GABRA3: variants seen among roughly 807,000 people sequenced by gnomAD.
GABRA3 encodes the protein gamma-aminobutyric acid receptor subunit alpha-3.
Under a neutral mutation model 30.1 loss-of-function variants are expected in GABRA3, and 10 were observed. That is an observed-to-expected ratio of 0.33 (90% confidence interval 0.20 to 0.56). The LOEUF (loss-of-function observed/expected upper bound fraction) is 0.56. GABRA3 is among the 20% of genes least tolerant of loss of function. The pLI is 0.89. For missense variants in GABRA3, 233 were observed against 392.0 expected, an observed-to-expected ratio of 0.59 and a Z score of 3.42; for synonymous variants, 151 against 146.8, an observed-to-expected ratio of 1.03 and a Z score of -0.21.
chrX:152,294,607 A>G (rs1350027544), intron 3 of GABRA3, among the ~76,000 whole-genome samples: 1 of 110,481 alleles, frequency 9.1e-6, no homozygotes, highest in Non-Finnish European at 1.9e-5. Flanking sequence ...TGTTATTACC[A>G]CCCTTCTGAA....
chrX:152,366,432 G>T (rs1928663384), intron 1 of GABRA3, among the ~76,000 whole-genome samples: 1 of 111,799 alleles, frequency 8.9e-6, no homozygotes. Flanking sequence ...TAAACAAAGA[G>T]ATCCATAGTG....
chrX:152,424,584 A>G (rs1210195721), intron 1 of GABRA3, among the ~76,000 whole-genome samples: 2 of 111,425 alleles, frequency 1.8e-5, no homozygotes, highest in Non-Finnish European at 3.8e-5. Context: ...AAAAATAATG[A>G]AAATTATTAG....
intron 5 of GABRA3, among the ~76,000 whole-genome samples, chrX:152,251,689 C>T (rs895476669): frequency 1.8e-5 from 2 of 110,590 alleles, no homozygotes; most frequent in Non-Finnish European, 3.8e-5. Context: ...ATACTCCACT[C>T]CATTCTTTCC....
At chrX:152,369,077 A>C (rs958738960) in intron 1 of GABRA3, among the ~76,000 whole-genome samples, 34 of 111,001 alleles carry the variant, frequency 3.1e-4, no homozygotes, top group African/African-American at 1.0e-3. Context: ...ATTCCCACCA[A>C]CAGTGTGTGA....
chrX:152,257,033 C>G (rs1938648301), intron 4 of GABRA3, among the ~76,000 whole-genome samples: 1 of 110,769 alleles, frequency 9.0e-6, no homozygotes, highest in Non-Finnish European at 1.9e-5. Context: ...CCGAAAAATT[C>G]CGGCTGATCA....
chrX:152,275,630 G>A (rs1028931831), intron 4 of GABRA3, among the ~76,000 whole-genome samples: 3 of 106,539 alleles, frequency 2.8e-5, no homozygotes, highest in African/African-American at 6.8e-5. Context: ...GTGGTGGCGC[G>A]TGCCTGTAAT....
chrX:152,439,252 T>C (rs1384879512), intron 1 of GABRA3, among the ~76,000 whole-genome samples: 1 of 110,449 alleles, frequency 9.1e-6, no homozygotes, highest in African/African-American at 3.3e-5. Context: ...CCTGCCTCAG[T>C]CTCCCGAGTA....
intron 9 of GABRA3, among the ~76,000 whole-genome samples, chrX:152,178,123 T>C (rs776708663): frequency 8.9e-6 from 1 of 111,922 alleles, no homozygotes; most frequent in East Asian, 2.8e-4. Context: ...TCTGTCTGTA[T>C]ATGTGTGTAT....
intron 3 of GABRA3, among the ~76,000 whole-genome samples, chrX:152,311,289 A>G (rs1939795232): frequency 8.9e-6 from 1 of 111,828 alleles, no homozygotes; most frequent in African/African-American, 3.2e-5. Context: ...CCTGATAAAC[A>G]TAGATGCAAA....
intron 4 of GABRA3, among the ~76,000 whole-genome samples, chrX:152,273,441 A>G (rs983850472): frequency 1.8e-5 from 2 of 112,486 alleles, no homozygotes; most frequent in African/African-American, 6.5e-5. Context: ...TACTGGGTAC[A>G]TATCAAAAAG....
intron 5 of GABRA3, among the ~76,000 whole-genome samples, chrX:152,252,695 A>G (rs1167044346): frequency 9.0e-6 from 1 of 111,632 alleles, no homozygotes; most frequent in African/African-American, 3.3e-5. Flanking sequence ...TGCAGTAGGA[A>G]ACAATCTGAA....
At chrX:152,304,971 T>C (rs777498240) in intron 3 of GABRA3, among the ~76,000 whole-genome samples, 4 of 112,087 alleles carry the variant, frequency 3.6e-5, no homozygotes, top group African/African-American at 1.3e-4. Flanking sequence ...ATTTGTATCA[T>C]CTCTGATTTC....
intron 1 of GABRA3, among the ~76,000 whole-genome samples, chrX:152,375,832 A>G (rs928485279): frequency 2.5e-4 from 28 of 112,079 alleles, no homozygotes; most frequent in African/African-American, 9.1e-4. Context: ...CATTCTTCTC[A>G]AGTTGCCTAT....
chrX:152,399,980 T>C, intron 1 of GABRA3, among the ~76,000 whole-genome samples: 1 of 111,112 alleles, frequency 9.0e-6, no homozygotes, highest in East Asian at 2.8e-4. Flanking sequence ...GCCTTTATGT[T>C]GAAGAGCTAA....
chrX:152,435,832 G>A (rs1288563220), intron 1 of GABRA3, among the ~76,000 whole-genome samples: 4 of 111,042 alleles, frequency 3.6e-5, no homozygotes, highest in African/African-American at 1.3e-4. Context: ...AAGTTCATAA[G>A]ATACAATATC....
chrX:152,361,091 T>TAAA (rs760348032), intron 2 of GABRA3, among the ~76,000 whole-genome samples: 74 of 85,447 alleles, frequency 8.7e-4, no homozygotes, highest in African/African-American at 3.1e-3. Context: ...ACCACGTCTT[T>TAAA]AAAAAAAAAA....
chrX:152,283,094 G>C (rs761322116), intron 4 of GABRA3, among the ~76,000 whole-genome samples: 5 of 111,581 alleles, frequency 4.5e-5, no homozygotes, highest in Admixed American at 9.6e-5. Flanking sequence ...AGTTGGGCTC[G>C]TAAGGAGTAC....
intron 1 of GABRA3, among the ~76,000 whole-genome samples, chrX:152,433,204 T>A (rs1443608176): frequency 9.1e-6 from 1 of 110,219 alleles, no homozygotes; most frequent in Non-Finnish European, 1.9e-5. Flanking sequence ...GGAGACACAT[T>A]AGAAACAATC....
chrX:152,346,747 T>C lies in GABRA3; in HGVS notation c.141-1045A>G, dbSNP rs773938580. Among the ~76,000 whole-genome samples, 62 of 112,194 alleles carry C rather than the reference T, an allele frequency of 5.5e-4. No individual in the cohort carries two copies. In the South Asian group the frequency reaches 6.3e-3, roughly 11 times the overall value. ...AACAGGCATATGAAAAGGTGCTTAA[T>C]ATCACTGATCATCAGAGAAATGCAA... On this transcript the variant is annotated intron_variant, in intron 2 of 9. Coordinates refer to ENST00000370314, the MANE Select transcript of GABRA3 (RefSeq NM_000808.4).
Sources: gnomAD v4.1 joint callset for allele counts (sites outside exome capture counted in the v4.1 genomes callset) on GRCh38, gnomAD v4.1.1 for gene constraint, MANE v1.5 for transcripts, NCBI Gene and HGNC (gene_info 2026-07-23, HGNC 2026-07-21) for gene names.